Variants in MINDY2 observed in about 807,000 individuals in gnomAD.
MINDY2 encodes the protein ubiquitin carboxyl-terminal hydrolase MINDY-2.
A neutral mutation model predicts 68.2 loss-of-function variants in MINDY2; 52 were observed. The ratio of observed to expected loss-of-function variants is 0.76; its 90% CI spans 0.61 to 0.96. The LOEUF is 0.96. Ranked by LOEUF, MINDY2 falls within the 40% of genes least tolerant of loss-of-function variation. The pLI is 0.00. For synonymous variants in MINDY2, 372 were observed against 303.0 expected, an observed-to-expected ratio of 1.23 and a Z score of -2.36; for missense variants, 881 against 773.4, an observed-to-expected ratio of 1.14 and a Z score of -1.65.
rs1475745641 is a variant in MINDY2 at position 58,858,217 on chromosome 15, G to A, written c.*3607G>A. 2.0e-5 allele frequency: 3 copies of A among 152,162 alleles called. No homozygotes were observed. Among genetic ancestry groups the A allele is most frequent in the African/African-American group, 7.2e-5 (3 of 41,456 alleles). 9.4% of individuals were successfully genotyped at this position (152,162 alleles called of 1,614,324 possible). The stretch of plus-strand genomic sequence containing the variant: ...GGTCAGGTTCAGAGTTGAATGAAGT[G>A]TAGATTTAAATTTAGGATTAGGCTT... On this transcript the variant is annotated 3_prime_UTR_variant, in exon 9 of 9. Coordinates refer to ENST00000559228, the MANE Select transcript of MINDY2 (RefSeq NM_001040450.3).
Position 58,851,764 on chromosome 15 carries a change from T to G in MINDY2, c.1543-7T>G. The G allele has an allele frequency of 6.5e-7, 1 of 1,549,920 alleles. No individual in the cohort carries two copies. Among genetic ancestry groups the G allele is most frequent in the Non-Finnish European group, 8.7e-7 (1 of 1,153,868 alleles). On this transcript the variant is annotated splice_region_variant and splice_polypyrimidine_tract_variant and intron_variant, in intron 7 of 8. Transcript: ENST00000559228. ...TAGCTAATGATGGTTATAATTTAAT[T>G]TATTAGGATTATCTTATGGCATTAT... is the stretch of plus-strand genomic sequence containing the variant.
At position 58,771,304 on chromosome 15, in the gene MINDY2, T is replaced by C. The variant is rs1340912701; in HGVS notation, c.-92T>C. 10 of 1,509,706 alleles carry C rather than the reference T, an allele frequency of 6.6e-6. No homozygotes were observed. The highest frequency in any genetic ancestry group is 6.5e-5 in the Admixed American group (3 of 45,952). The allele number at this position is 1,509,706 out of a possible 1,614,324, so 93.5% of individuals were successfully genotyped here. A position where few individuals can be genotyped will look rare whatever the true frequency, so the allele number is the denominator to read the frequency against. Reference sequence around the variant, plus strand: ...CCTGACCGAGGCCGCGCCAGGGCGCTGTTGCTGCCAATACAGCTGTCATGG... The same window carrying C: ...CCTGACCGAGGCCGCGCCAGGGCGCCGTTGCTGCCAATACAGCTGTCATGG... On this transcript the variant is annotated 5_prime_UTR_variant, in exon 1 of 9. Coordinates refer to ENST00000559228, the MANE Select transcript of MINDY2 (RefSeq NM_001040450.3).
chr15:58,791,673 T>G (rs1008811529), intron 2 of MINDY2, among the ~76,000 whole-genome samples: 152 of 150,780 alleles, frequency 1.0e-3, no homozygotes, highest in Non-Finnish European at 1.7e-3. Flanking sequence ...TGTGTGTGTG[T>G]GTAATGTGAC....
chr15:58,829,876 C>T (rs1567065973), intron 5 of MINDY2, among the ~76,000 whole-genome samples: 2 of 152,122 alleles, frequency 1.3e-5, no homozygotes, highest in East Asian at 3.8e-4. Context: ...TAAGGGATGT[C>T]GAGGGAGTGG....
At chr15:58,824,507 C>G (rs1302756094) in intron 5 of MINDY2, among the ~76,000 whole-genome samples, 9 of 151,918 alleles carry the variant, frequency 5.9e-5, no homozygotes, top group African/African-American at 2.2e-4. Context: ...AAAAGCTAAA[C>G]TAGATTTTTG....
chr15:58,803,122 A>C (rs1902775528), intron 3 of MINDY2, among the ~76,000 whole-genome samples: 1 of 152,222 alleles, frequency 6.6e-6, no homozygotes, highest in South Asian at 2.1e-4. Flanking sequence ...TTGTCTTGCA[A>C]AATTTCTTGA....
chr15:58,839,838 T>C (rs1298285448), intron 6 of MINDY2, among the ~76,000 whole-genome samples: 1 of 151,406 alleles, frequency 6.6e-6, no homozygotes, highest in Non-Finnish European at 1.5e-5. Flanking sequence ...TCTTTTTTTT[T>C]TTTTTTCTTT....
chr15:58,830,574 G>C (rs1780569226), intron 5 of MINDY2, among the ~76,000 whole-genome samples: 1 of 152,156 alleles, frequency 6.6e-6, no homozygotes, highest in Admixed American at 6.6e-5. Context: ...TTTTAGATAA[G>C]TGATACTCAA....
At chr15:58,837,665 C>T (rs1225101584) in intron 6 of MINDY2, among the ~76,000 whole-genome samples, 9 of 151,862 alleles carry the variant, frequency 5.9e-5, no homozygotes, top group Admixed American at 5.3e-4. Flanking sequence ...TTTTGAGGGA[C>T]ATCTTATGCA....
In MINDY2 at chr15:58,799,438, G is replaced by T. The variant is rs181880528; in HGVS notation, c.899-2875G>T. Among the ~76,000 whole-genome samples, 615 of 152,196 alleles carry T rather than the reference G, an allele frequency of 4.0e-3. 9 individuals are homozygous for T. The highest frequency in any genetic ancestry group is 0.035 in the Admixed American group (529 of 15,280). ...AAAAATTAGCCAGGCGTGGTGGCGG[G>T]TGCCTGTAGTCCCAGCTACTTGGGA... On this transcript the variant is annotated intron_variant, in intron 2 of 8. Transcript: ENST00000559228.
chr15:58,812,684 A>T (rs1405746790), intron 4 of MINDY2, among the ~76,000 whole-genome samples: 1 of 152,236 alleles, frequency 6.6e-6, no homozygotes, highest in South Asian at 2.1e-4. Context: ...ACATGGCAAA[A>T]CCTTATTTCT....
At chr15:58,853,305 A>G (rs1339913394) in intron 8 of MINDY2, among the ~76,000 whole-genome samples, 1 of 152,058 alleles carries the variant, frequency 6.6e-6, no homozygotes, top group African/African-American at 2.4e-5. Context: ...TGGGCATACA[A>G]GAAAGCAAGA....
intron 2 of MINDY2, 73 bp downstream of exon 2, chr15:58,788,036 C>T (rs1901627450): frequency 9.7e-7 from 1 of 1,032,420 alleles, no homozygotes; most frequent in Non-Finnish European, 1.4e-6. Context: ...TACCCAGTCT[C>T]ACCTTTCTGA....
rs1901635611 is a variant in MINDY2, at chr15:58,788,188, G to C, written c.898+225G>C. 2.0e-5 allele frequency among the ~76,000 whole-genome samples: 3 copies of C among 152,148 alleles called. No homozygotes were observed. The South Asian group carries it at 6.2e-4, about 31-fold the overall frequency. The stretch of plus-strand genomic sequence containing the variant: ...TCTGTAATACCCATAAGGAATCTAG[G>C]TAACGTCTAGAAAACAAGATACATC... On this transcript the variant is annotated intron_variant, in intron 2 of 8. Coordinates refer to ENST00000559228, the MANE Select transcript of MINDY2 (RefSeq NM_001040450.3).
At chr15:58,829,896 A>T (rs1236209210) in intron 5 of MINDY2, among the ~76,000 whole-genome samples, 2 of 152,230 alleles carry the variant, frequency 1.3e-5, no homozygotes. Context: ...GAATAAACCT[A>T]TGTTATCTGC....
chr15:58,818,625 G>T (rs1595746829), intron 4 of MINDY2, among the ~76,000 whole-genome samples: 2 of 151,016 alleles, frequency 1.3e-5, no homozygotes, highest in Non-Finnish European at 3.0e-5. Context: ...GTACTCTAGA[G>T]AAATAGATTT....
chr15:58,821,344 C>A (rs2031048768), intron 4 of MINDY2, among the ~76,000 whole-genome samples: 1 of 148,912 alleles, frequency 6.7e-6, no homozygotes. Context: ...AAAAAAAAAA[C>A]TTGATACTTT....
At chr15:58,818,980 G>A (rs1467247786) in intron 4 of MINDY2, among the ~76,000 whole-genome samples, 9 of 151,766 alleles carry the variant, frequency 5.9e-5, no homozygotes, top group African/African-American at 1.9e-4. Flanking sequence ...GGTTTTGGGG[G>A]GTTTTGTTTT....
At chr15:58,796,188 A>C in intron 2 of MINDY2, 1 of 454,412 alleles carries the variant, frequency 2.2e-6, no homozygotes, top group South Asian at 1.6e-5. Context: ...GAAAAGGCTT[A>C]ATGGAGAACA....
Sources: gnomAD v4.1 joint callset for allele counts (sites outside exome capture counted in the v4.1 genomes callset) on GRCh38, gnomAD v4.1.1 for gene constraint, MANE v1.5 for transcripts, NCBI Gene and HGNC (gene_info 2026-07-23, HGNC 2026-07-21) for gene names.